Variants in ARHGAP9 observed in about 807,000 individuals in gnomAD.
The protein encoded by ARHGAP9 is Rho GTPase activating protein 9, also known as rho GTPase-activating protein 9.
A neutral mutation model predicts 87.3 loss-of-function variants in ARHGAP9; 76 were observed. That is an observed-to-expected ratio of 0.87 (90% CI 0.72 to 1.05). The LOEUF is 1.05. ARHGAP9 is among the 50% of genes least tolerant of loss of function. The pLI, the probability that ARHGAP9 is intolerant of heterozygous loss-of-function variation, is 0.00. For missense variants in ARHGAP9, 941 were observed against 960.5 expected (o/e 0.98, Z 0.27); for synonymous variants, 382 against 394.9 (o/e 0.97, Z 0.39).
chr12:57,476,421 C>T lies in ARHGAP9; in HGVS notation c.1059G>A (p.Thr353=). ...CTCGGTAGAACACCAGGCTGTTACCCGTTAACACCACCCAAGACGGGCCCC... is the reference window on the plus strand; with the variant it reads ...CTCGGTAGAACACCAGGCTGTTACCTGTTAACACCACCCAAGACGGGCCCC... ...KNWGPSWVVL[T]GNSLVFYREP... Residue 353 remains threonine (T), a synonymous_variant, in exon 8 of 18, where the codon ACG becomes ACA. Coordinates refer to ENST00000393791, the MANE Select transcript of ARHGAP9 (RefSeq NM_032496.4). 6.2e-7 allele frequency: 1 copy of T among 1,614,128 alleles called. No homozygotes were observed. The highest frequency in any genetic ancestry group is 2.2e-5 in the East Asian group (1 of 44,868).
rs376789903 is a variant in ARHGAP9 at position 57,476,102 on chromosome 12, C to A, written c.1181G>T (p.Arg394Leu). The change falls in exon 9 of 18, where the codon CGC becomes CTC. Residue 394 changes from arginine (R) to leucine (L), a missense_variant. By Grantham distance (102) the Arg-to-Leu change is moderately radical. Transcript: ENST00000393791. Reference sequence around the variant, plus strand: ...GACGTTGCGGCGGCTGGACAGGTGGCGGCCGTGCGCCAGGGCCGCCCCGCG... The same window carrying A: ...GACGTTGCGGCGGCTGGACAGGTGGAGGCCGTGCGCCAGGGCCGCCCCGCG... ...DLRGAALAHG[R>L]HLSSRRNVLH... is the part of the protein sequence containing the mutation. 6.5e-6 allele frequency: 10 copies of A among 1,538,728 alleles called. No individual in the cohort carries two copies. In the East Asian group the frequency reaches 1.2e-4, roughly 19 times the overall value.
chr12:57,477,843 G>A (rs1874364116), intron 3 of ARHGAP9, 163 bp from the exon 4 acceptor site: 1 of 1,451,314 alleles, frequency 6.9e-7, no homozygotes, highest in Non-Finnish European at 9.0e-7. Context: ...GGCCCCAGCT[G>A]CTTTTTAAAA....
At chr12:57,481,236 GTCTC>G (rs1483961116), upstream of ARHGAP9, among the ~76,000 whole-genome samples, 6 of 151,630 alleles carry the variant, frequency 4.0e-5, no homozygotes, top group Non-Finnish European at 8.8e-5. Flanking sequence ...CCATATATAT[GTCTC>G]TCTCTCTTTC....
intron 17 of ARHGAP9, 95 bp downstream of exon 17, chr12:57,473,508 T>G: frequency 8.7e-7 from 1 of 1,147,232 alleles, no homozygotes; most frequent in South Asian, 1.3e-5. Flanking sequence ...TAAACTTAGG[T>G]GCTTCCCTAC....
At chr12:57,475,062 G>T in intron 12 of ARHGAP9, 89 bp from the exon 13 acceptor site, 1 of 1,375,802 alleles carries the variant, frequency 7.3e-7, no homozygotes, top group Non-Finnish European at 1.0e-6. Context: ...AAGTGAGGCT[G>T]GTCCTCCTGG....
In ARHGAP9 at chr12:57,477,605, G is replaced by A. The variant is rs112573859; in HGVS notation, c.610C>T (p.Pro204Ser). 5,517 of 1,613,292 alleles carry A rather than the reference G, an allele frequency of 3.4e-3. 17 individuals are homozygous for A. Among genetic ancestry groups the A allele is most frequent in the Non-Finnish European group, 4.1e-3 (4,891 of 1,179,550 alleles). ...AGGGGGCATGCAGGGCCTGGGGGTG[G>A]GGACCGAGGACAGCGGCGAAGGTCC... is the stretch of plus-strand genomic sequence containing the variant. The part of the protein sequence containing the change: ...LVDLRRCPRS[P>S]PPGPACPLLQ... The change falls in exon 4 of 18, where the codon CCA becomes TCA. Residue 204 changes from proline (P) to serine (S), a missense_variant. Pro to Ser is a moderately conservative substitution (Grantham distance 74, BLOSUM62 -1). Transcript: ENST00000393791.
Position 57,479,321 on chromosome 12 carries a change from G to A in ARHGAP9, c.86C>T (p.Ala29Val). Reference sequence around the variant, plus strand: ...CCCAGTATAAGTAAAGGCATAGAGGGCACAGAGCTGGGATCCCCGAGGAGG... The same window carrying A: ...CCCAGTATAAGTAAAGGCATAGAGGACACAGAGCTGGGATCCCCGAGGAGG... ...RSPPRGSQLC[A>V]LYAFTYTGAD... The change falls in exon 2 of 18, where the codon GCC becomes GTC. Residue 29 changes from alanine (A) to valine (V), a missense_variant. By Grantham distance (64) the Ala-to-Val change is moderately conservative. Transcript: ENST00000393791. 6.2e-7 allele frequency: 1 copy of A among 1,614,188 alleles called. No homozygotes were observed. The highest frequency in any genetic ancestry group is 8.5e-7 in the Non-Finnish European group (1 of 1,180,034).
rs149553969 is a variant in ARHGAP9, at chr12:57,476,957, G to T, written c.877C>A (p.Leu293Ile). The T allele has an allele frequency of 1.0e-3, 1,672 of 1,613,338 alleles. 16 individuals are homozygous for T. The East Asian group carries it at 0.018, about 17-fold the overall frequency. ...TGCGAGGTGCGTTGGCTGAGGCTGA[G>T]TGAACCCTAGGGGAGAGGATTGGAG... ...TPEPLDPQGS[L>I]SLSQRTSQLD... The change falls in exon 6 of 18, where the codon CTC becomes ATC. Residue 293 changes from leucine (L) to isoleucine (I), a missense_variant. Transcript: ENST00000393791.
intron 8 of ARHGAP9, 39 bp from the exon 9 acceptor site, chr12:57,476,205 T>A: frequency 6.6e-7 from 1 of 1,516,196 alleles, no homozygotes; most frequent in Non-Finnish European, 8.9e-7. Flanking sequence ...CGGTGTTGTT[T>A]CCTTCACTGC....
In ARHGAP9 at chr12:57,477,170, G is replaced by A. The variant is rs745350116; in HGVS notation, c.856C>T (p.Pro286Ser). The A allele has an allele frequency of 1.2e-6, 2 of 1,613,442 alleles. No homozygotes were observed. The highest frequency in any genetic ancestry group is 2.2e-5 in the South Asian group (2 of 90,990). Reference sequence around the variant, plus strand: ...AGGGATCTCACCTGTGGGTCAAGCGGTTCTGGGGTCCCTGTGTCAGATCTG... The same window carrying A: ...AGGGATCTCACCTGTGGGTCAAGCGATTCTGGGGTCCCTGTGTCAGATCTG... ...GFRSDTGTPEPLDPQGSLSLS... is the reference protein window; with the variant it reads ...GFRSDTGTPESLDPQGSLSLS... The change falls in exon 5 of 18, where the codon CCG (proline) becomes TCG (serine). Residue 286 changes from proline (P) to serine (S), a missense_variant. Transcript: ENST00000393791.
rs762156515 is a variant in ARHGAP9 at position 57,474,503 on chromosome 12, G to A, written c.1730-27C>T. On this transcript the variant is annotated intron_variant, in intron 14 of 17. Transcript: ENST00000393791. Reference sequence around the variant, plus strand: ...TGCAACATGAATGAGGAGAGATCAGGAGCTAAGACATACACTTCCAGCCTG... The same window carrying A: ...TGCAACATGAATGAGGAGAGATCAGAAGCTAAGACATACACTTCCAGCCTG... 18 of 1,614,108 alleles carry A rather than the reference G, an allele frequency of 1.1e-5. No individual in the cohort carries two copies. The South Asian group carries it at 1.8e-4, about 16-fold the overall frequency.
At position 57,477,629 on chromosome 12, in the gene ARHGAP9, C is replaced by T. The variant is rs1874250471; in HGVS notation, c.586G>A (p.Asp196Asn). The change falls in exon 4 of 18, where the codon GAC (aspartate) becomes AAC (asparagine). Residue 196 changes from aspartate to asparagine, a missense_variant. By Grantham distance (23) the Asp-to-Asn change is conservative. Transcript: ENST00000393791. ...GGGGACCGAGGACAGCGGCGAAGGT[C>T]CACCAGGTTACAGTACACAGGGGGC... is the stretch of plus-strand genomic sequence containing the variant. ...SEPPVYCNLV[D>N]LRRCPRSPPP... The T allele has an allele frequency of 6.2e-7, 1 of 1,613,126 alleles. No individual in the cohort carries two copies. The highest frequency in any genetic ancestry group is 1.3e-5 in the African/African-American group (1 of 74,804).
upstream of ARHGAP9, among the ~76,000 whole-genome samples, chr12:57,480,348 GT>G (rs1293948853): frequency 1.3e-5 from 2 of 151,922 alleles, no homozygotes; most frequent in Non-Finnish European, 2.9e-5. Context: ...CACCTGGCTA[GT>G]TTTTTTATTT....
chr12:57,488,251 C>T (rs1169323318), intron 1 of ARHGAP9: 2 of 1,528,826 alleles, frequency 1.3e-6, no homozygotes, highest in African/African-American at 1.4e-5. Context: ...GACCGAAACA[C>T]GCCAGATTCT....
intron 1 of ARHGAP9, among the ~76,000 whole-genome samples, chr12:57,486,580 A>G (rs1875420752): frequency 7.7e-6 from 1 of 130,480 alleles, no homozygotes; most frequent in Non-Finnish European, 1.6e-5. Context: ...TTACTTCTCA[A>G]TTTCATCTTT....
intron 17 of ARHGAP9, among the ~76,000 whole-genome samples, chr12:57,473,318 CAGG>C (rs1369723066): frequency 2.6e-5 from 4 of 152,118 alleles, no homozygotes; most frequent in African/African-American, 7.2e-5. Flanking sequence ...GAGGCTGAGG[CAGG>C]AGAATTACTT....
upstream of ARHGAP9, chr12:57,480,100 T>C (rs1368656321): frequency 1.8e-5 from 18 of 985,334 alleles, no homozygotes; most frequent in Non-Finnish European, 1.9e-5. Context: ...CAGGACACGA[T>C]TTTGGGAGCT....
chr12:57,486,269 T>A (rs1875386419), intron 1 of ARHGAP9, among the ~76,000 whole-genome samples: 1 of 151,980 alleles, frequency 6.6e-6, no homozygotes, highest in African/African-American at 2.4e-5. Flanking sequence ...CCATCTTGAA[T>A]CTCAATTTTT....
chr12:57,479,798 G>A lies in ARHGAP9; in HGVS notation c.-87C>T. ...GGGTAGTGGTGGGAGTCTTGAGGTG[G>A]ACACAGGAAGGAGATAAGAAGAAAG... On this transcript the variant is annotated 5_prime_UTR_variant, in exon 1 of 18. Coordinates refer to ENST00000393791, the MANE Select transcript of ARHGAP9 (RefSeq NM_032496.4). 3 of 1,544,614 alleles carry A rather than the reference G, an allele frequency of 1.9e-6. 1 individual carries two copies. The South Asian group carries it at 3.6e-5, about 19-fold the overall frequency.
Sources: gnomAD v4.1 joint callset for allele counts (sites outside exome capture counted in the v4.1 genomes callset) on GRCh38, gnomAD v4.1.1 for gene constraint, MANE v1.5 for transcripts, NCBI Gene and HGNC (gene_info 2026-07-23, HGNC 2026-07-21) for gene names.